PUDP: variants seen among roughly 807,000 people sequenced by gnomAD.
PUDP encodes the protein pseudouridine-5'-phosphatase.
PUDP carries 8 observed loss-of-function variants against 9.4 expected under a neutral mutation model. The observed-to-expected ratio is 0.85, with a 90% CI of 0.50 to 1.53. PUDP has a LOEUF of 1.53. PUDP is among the 40% of genes most tolerant of loss of function. PUDP has a pLI of 0.00. For synonymous variants in PUDP, 99 were observed against 80.7 expected (o/e 1.23, Z -1.22); for missense variants, 188 against 189.7 (o/e 0.99, Z 0.05).
chrX:6,805,933 C>T (rs1401090058), intron 3 of PUDP, among the ~76,000 whole-genome samples: 1 of 111,728 alleles, frequency 9.0e-6, no homozygotes, highest in Non-Finnish European at 1.9e-5. Flanking sequence ...GACAAACAGG[C>T]ACATTTAAAT....
intron 3 of PUDP, among the ~76,000 whole-genome samples, chrX:6,798,647 C>G (rs1442712339): frequency 8.9e-6 from 1 of 111,815 alleles, no homozygotes; most frequent in African/African-American, 3.2e-5. Flanking sequence ...ATATATAACT[C>G]TTTATAATAA....
chrX:6,737,113 G>A (rs1924881657), intron 3 of PUDP, among the ~76,000 whole-genome samples: 1 of 110,751 alleles, frequency 9.0e-6, no homozygotes, highest in African/African-American at 3.3e-5. Context: ...ATGGGATTCA[G>A]GCTAAAGGAA....
intron 1 of PUDP, among the ~76,000 whole-genome samples, chrX:7,035,513 C>T (rs954670955): frequency 8.9e-6 from 1 of 111,791 alleles, no homozygotes; most frequent in Non-Finnish European, 1.9e-5. Flanking sequence ...GTTACATTAT[C>T]TCTACATTGT....
intron 1 of PUDP, among the ~76,000 whole-genome samples, chrX:7,021,115 C>A (rs1448526855): frequency 1.8e-5 from 2 of 112,434 alleles, no homozygotes; most frequent in Non-Finnish European, 3.8e-5. Context: ...CTCTCAGGGT[C>A]TTTTTATTGA....
At chrX:6,849,731 C>T (rs1948659187) in intron 3 of PUDP, among the ~76,000 whole-genome samples, 1 of 111,733 alleles carries the variant, frequency 8.9e-6, no homozygotes, top group Admixed American at 9.5e-5. Flanking sequence ...TACTATGAAC[C>T]TACCATAGAA....
chrX:7,005,231 T>A (rs895438862), intron 1 of PUDP, among the ~76,000 whole-genome samples: 5 of 110,601 alleles, frequency 4.5e-5, no homozygotes, highest in African/African-American at 6.6e-5. Flanking sequence ...GAAGGGCTGT[T>A]TCATGGAGGA....
intron 2 of PUDP, among the ~76,000 whole-genome samples, chrX:7,086,548 T>C (rs1435810879): frequency 5.3e-5 from 6 of 112,352 alleles, no homozygotes; most frequent in Non-Finnish European, 1.1e-4. Flanking sequence ...AATGATTTAC[T>C]GCAGAGCCAT....
intron 2 of PUDP, among the ~76,000 whole-genome samples, chrX:7,101,246 C>T (rs985794452): frequency 2.7e-5 from 3 of 110,773 alleles, no homozygotes; most frequent in Non-Finnish European, 5.7e-5. Flanking sequence ...TGCACACACA[C>T]GCGCACACAC....
At chrX:6,993,893 C>T (rs963635554) in intron 1 of PUDP, among the ~76,000 whole-genome samples, 6 of 111,040 alleles carry the variant, frequency 5.4e-5, no homozygotes, top group South Asian at 3.8e-4. Context: ...CAGTAGGGCA[C>T]GTGGATCTAA....
intron 3 of PUDP, among the ~76,000 whole-genome samples, chrX:6,836,297 A>T (rs184530116): frequency 8.9e-4 from 99 of 111,762 alleles, no homozygotes; most frequent in African/African-American, 3.0e-3. Context: ...GAATTACCAA[A>T]ACCTCAGTCA....
intron 3 of PUDP, among the ~76,000 whole-genome samples, chrX:6,741,071 A>G (rs1345578476): frequency 9.3e-6 from 1 of 107,881 alleles, no homozygotes; most frequent in African/African-American, 3.4e-5. Context: ...AGGCAGCAGA[A>G]TTGCTTGAAC....
intron 1 of PUDP, among the ~76,000 whole-genome samples, chrX:6,984,586 C>A (rs958439889): frequency 9.0e-6 from 1 of 111,541 alleles, no homozygotes; most frequent in Non-Finnish European, 1.9e-5. Flanking sequence ...ATAAAAGATT[C>A]CTTGAATCAG....
intron 3 of PUDP, among the ~76,000 whole-genome samples, chrX:6,884,087 G>A (rs931385468): frequency 8.9e-5 from 10 of 111,845 alleles, no homozygotes; most frequent in South Asian, 3.8e-4. Flanking sequence ...TGATCCGCCC[G>A]CCTCAGCCTC....
At chrX:6,997,353 T>C (rs903577426) in intron 1 of PUDP, among the ~76,000 whole-genome samples, 3 of 112,413 alleles carry the variant, frequency 2.7e-5, no homozygotes, top group Middle Eastern at 4.2e-3. Context: ...CAAGACAGAA[T>C]ATCTCCTGGA....
intron 3 of PUDP, among the ~76,000 whole-genome samples, chrX:6,938,634 A>G (rs1160874829): frequency 9.2e-6 from 1 of 108,970 alleles, no homozygotes; most frequent in African/African-American, 3.3e-5. Flanking sequence ...AAATTAAAAA[A>G]AAAAAAATCC....
At position 6,932,799 on chromosome X, in the gene PUDP, G is replaced by A. The variant is rs372439713; in HGVS notation, c.*247+44334C>T. ...CGCTTTTCAGACGGGCTTAAAAAAC[G>A]GCGCACCACGAGATTATATCCCACA... On this transcript the variant is annotated intron_variant and NMD_transcript_variant, in intron 3 of 3. Transcript: ENST00000655425. Among the ~76,000 whole-genome samples the A allele has an allele frequency of 1.0e-3, 116 of 111,767 alleles. 1 individual carries two copies. In the South Asian group the frequency reaches 0.044, roughly 42 times the overall value.
chrX:6,994,216 C>T (rs1468038204), intron 1 of PUDP, among the ~76,000 whole-genome samples: 1 of 110,419 alleles, frequency 9.1e-6, no homozygotes, highest in Non-Finnish European at 1.9e-5. Context: ...TGCTTGACAC[C>T]AGCCTGGGCA....
chrX:7,033,750 G>C (rs1300816385), intron 1 of PUDP, among the ~76,000 whole-genome samples: 1 of 111,759 alleles, frequency 8.9e-6, no homozygotes, highest in African/African-American at 3.3e-5. Flanking sequence ...GGAGTGGAGG[G>C]AGGGCATCAA....
At chrX:7,080,405 A>T (rs977325909) in intron 2 of PUDP, among the ~76,000 whole-genome samples, 6 of 111,910 alleles carry the variant, frequency 5.4e-5, no homozygotes, top group African/African-American at 2.0e-4. Context: ...AAGGATGCCA[A>T]TTCTAAACAG....
Sources: allele counts gnomAD v4.1 joint callset (sites outside exome capture counted in the v4.1 genomes callset), GRCh38; gene constraint gnomAD v4.1.1; transcripts MANE v1.5; gene names NCBI Gene and HGNC (gene_info 2026-07-23, HGNC 2026-07-21).